CLMN: variants seen among roughly 807,000 people sequenced by gnomAD.
The protein encoded by CLMN is calmin.
CLMN carries 57 observed loss-of-function variants against 92.7 expected under a neutral mutation model. That is an observed-to-expected ratio of 0.61 (90% CI 0.50 to 0.77). CLMN has a LOEUF of 0.77. Ranked by LOEUF, CLMN falls within the 30% of genes least tolerant of loss-of-function variation. The pLI is 0.00. For synonymous variants in CLMN, 466 were observed against 470.6 expected, an observed-to-expected ratio of 0.99 and a Z score of 0.13; for missense variants, 1,158 against 1,237.5, an observed-to-expected ratio of 0.94 and a Z score of 0.96.
intron 2 of CLMN, among the ~76,000 whole-genome samples, chr14:95,227,847 G>C (rs1297346545): frequency 2.0e-5 from 3 of 152,224 alleles, no homozygotes; most frequent in African/African-American, 7.2e-5. Context: ...ATTTCTGACA[G>C]CCTTCAAATT....
chr14:95,292,772 C>A (rs1336762549), intron 1 of CLMN, among the ~76,000 whole-genome samples: 1 of 152,008 alleles, frequency 6.6e-6, no homozygotes, highest in Non-Finnish European at 1.5e-5. Context: ...ATCAGCATAG[C>A]CTGATTAAAT....
intron 1 of CLMN, among the ~76,000 whole-genome samples, chr14:95,288,707 T>C (rs1900439266): frequency 6.6e-6 from 1 of 152,160 alleles, no homozygotes. Context: ...ATTCCACCCC[T>C]GTGTATAAGC....
At position 95,194,195 on chromosome 14, in the gene CLMN, C is replaced by T. The variant is rs549149943; in HGVS notation, c.2770-276G>A. The T allele has an allele frequency of 1.0e-5, 14 of 1,397,652 alleles. No individual in the cohort carries two copies. The African/African-American group carries it at 1.0e-4, about 10-fold the overall frequency. 86.6% of individuals were successfully genotyped at this position (1,397,652 alleles called of 1,614,324 possible). On this transcript the variant is annotated intron_variant, in intron 11 of 12. Transcript: ENST00000298912. The surrounding 1 kb of genome is among the most constrained non-coding windows in gnomAD (Gnocchi z 4.0). Reference sequence around the variant, plus strand: ...GTTCTAACACATCTGCTACTGAGCACGTGCCACTGTCCATCGGACCTTGAC... The same window carrying T: ...GTTCTAACACATCTGCTACTGAGCATGTGCCACTGTCCATCGGACCTTGAC...
chr14:95,197,294 G>A lies in CLMN; in HGVS notation c.2512-600C>T, dbSNP rs891357210. 1.6e-4 allele frequency among the ~76,000 whole-genome samples: 24 copies of A among 148,292 alleles called. 1 individual carries two copies. The highest frequency in any genetic ancestry group is 1.0e-3 in the Admixed American group (15 of 14,888). The stretch of plus-strand genomic sequence containing the variant: ...AGAGGAGGAGGAAGAAGGAGAAGGA[G>A]GAGGAAGAAGAAGAAAGAAGAAAGG... On this transcript the variant is annotated intron_variant, in intron 9 of 12. Coordinates refer to ENST00000298912, the MANE Select transcript of CLMN (RefSeq NM_024734.4).
intron 1 of CLMN, among the ~76,000 whole-genome samples, chr14:95,245,185 T>TA (rs1283369126): frequency 1.4e-4 from 6 of 42,230 alleles, no homozygotes; most frequent in African/African-American, 3.4e-4. Context: ...TATATATATA[T>TA]ATATATATAA....
At position 95,294,019 on chromosome 14, in the gene CLMN, AGAGGAG is replaced by A. The variant is rs113654953; in HGVS notation, c.82+25686_82+25691del. On this transcript the variant is annotated intron_variant, in intron 1 of 12. Coordinates refer to ENST00000298912, the MANE Select transcript of CLMN (RefSeq NM_024734.4). This position sits in a 1 kb window ranked among gnomAD's most constrained non-coding sequence, Gnocchi z 4.2. ...CTGCCTGGCTGGAGGGTGACACCAAAGAGGAGGAGGAGGAGGAGGAGGCCAGAAGTC... is the reference window on the plus strand; with the variant it reads ...CTGCCTGGCTGGAGGGTGACACCAAAGAGGAGGAGGAGGAGGCCAGAAGTC... 6.6e-6 allele frequency among the ~76,000 whole-genome samples: 1 copy of A among 151,442 alleles called. No individual in the cohort carries two copies. Among genetic ancestry groups the A allele is most frequent in the Non-Finnish European group, 1.5e-5 (1 of 67,858 alleles).
At chr14:95,264,173 G>A (rs1353822518) in intron 1 of CLMN, among the ~76,000 whole-genome samples, 1 of 152,060 alleles carries the variant, frequency 6.6e-6, no homozygotes, top group Admixed American at 6.6e-5. Flanking sequence ...CTGAGTAGCT[G>A]GAACTACAGG....
intron 1 of CLMN, among the ~76,000 whole-genome samples, chr14:95,266,775 T>A (rs886719711): frequency 1.3e-5 from 2 of 152,184 alleles, no homozygotes; most frequent in Non-Finnish European, 2.9e-5. Context: ...GGCATCACAC[T>A]ATCTGACTTC....
chr14:95,204,422 G>A lies in CLMN; in HGVS notation c.927C>T (p.Ser309=). ...FDSDKEVPIE[S]TFVRIKETPS... ...GAGTTTCTTTGATGCGAACAAAAGT[G>A]GATTCGATAGGAACTTCTTTATCTG... is the stretch of plus-strand genomic sequence containing the variant. Residue 309 remains serine (S), a synonymous_variant, in exon 9 of 13, where the codon TCC becomes TCT. Coordinates refer to ENST00000298912, the MANE Select transcript of CLMN (RefSeq NM_024734.4). 2 of 1,607,510 alleles carry A rather than the reference G, an allele frequency of 1.2e-6. No individual in the cohort carries two copies. Among genetic ancestry groups the A allele is most frequent in the Non-Finnish European group, 1.7e-6 (2 of 1,177,560 alleles).
intron 4 of CLMN, among the ~76,000 whole-genome samples, chr14:95,219,513 G>C (rs904328096): frequency 4.6e-5 from 7 of 152,310 alleles, no homozygotes; most frequent in East Asian, 3.9e-4. Context: ...GGTCTGGCTG[G>C]TGCATGGCTA....
chr14:95,246,345 T>C (rs1485548485), intron 1 of CLMN, among the ~76,000 whole-genome samples: 1 of 152,240 alleles, frequency 6.6e-6, no homozygotes, highest in Non-Finnish European at 1.5e-5. Context: ...CATTCCTTCC[T>C]GTGAAAACCA....
chr14:95,209,468 A>G lies in CLMN; in HGVS notation c.812T>C (p.Val271Ala), dbSNP rs1274674207. The G allele has an allele frequency of 1.2e-6, 2 of 1,614,040 alleles. No homozygotes were observed. Among genetic ancestry groups the G allele is most frequent in the East Asian group, 2.2e-5 (1 of 44,882 alleles). The change falls in exon 8 of 13, where the codon GTT (valine) becomes GCT (alanine). Residue 271 changes from valine to alanine, a missense_variant. By Grantham distance (64) the Val-to-Ala change is moderately conservative. Transcript: ENST00000298912. ...PRLLEPEDIM[V>A]DTPDEQSIMT... ...GATAGACTGCTCGTCTGGTGTGTCA[A>G]CCATGATGTCTGTCGAGAGAGACAC...
intron 12 of CLMN, chr14:95,193,380 T>C (rs1395123289): frequency 1.1e-5 from 17 of 1,534,942 alleles, no homozygotes; most frequent in Non-Finnish European, 1.4e-5. Flanking sequence ...GCCATAAAAC[T>C]GTAAAATCAG....
chr14:95,258,237 A>C (rs908829143), intron 1 of CLMN, among the ~76,000 whole-genome samples: 5 of 148,872 alleles, frequency 3.4e-5, no homozygotes, highest in African/African-American at 1.2e-4. Flanking sequence ...TGGTGTGTAC[A>C]TATGTATGAT....
chr14:95,213,089 T>C (rs1897243255), intron 6 of CLMN, 130 bp downstream of exon 6: 1 of 1,031,640 alleles, frequency 9.7e-7, no homozygotes, highest in Admixed American at 2.7e-5. Flanking sequence ...GCCTGCCCCC[T>C]GTTCTGATAT....
chr14:95,213,999 C>T (rs961903944), intron 5 of CLMN, among the ~76,000 whole-genome samples: 2 of 152,056 alleles, frequency 1.3e-5, no homozygotes, highest in African/African-American at 4.8e-5. Context: ...ACTCATCCTT[C>T]AAAACCCAGC....
At chr14:95,193,031 T>G in intron 12 of CLMN, 1 of 316,892 alleles carries the variant, frequency 3.2e-6, no homozygotes, top group East Asian at 5.8e-5. Context: ...GCCAGAGGGA[T>G]GGGGTTCTAA....
At chr14:95,262,780 T>C (rs1472717513) in intron 1 of CLMN, among the ~76,000 whole-genome samples, 1 of 152,180 alleles carries the variant, frequency 6.6e-6, no homozygotes, top group Non-Finnish European at 1.5e-5. Context: ...TTGCCCAGTC[T>C]GGTCTCAAAC....
chr14:95,219,255 C>T (rs1566874717), intron 4 of CLMN, among the ~76,000 whole-genome samples: 1 of 152,212 alleles, frequency 6.6e-6, no homozygotes. Flanking sequence ...ACAGCAGACT[C>T]ATAAACGTGG....
Sources: gnomAD v4.1 joint callset for allele counts (sites outside exome capture counted in the v4.1 genomes callset) on GRCh38, gnomAD v4.1.1 for gene constraint, Gnocchi (gnomAD v3.1) non-coding constraint, MANE v1.5 for transcripts, NCBI Gene and HGNC (gene_info 2026-07-23, HGNC 2026-07-21) for gene names.